TNNI3K: variants seen among roughly 807,000 people sequenced by gnomAD.
TNNI3K encodes the protein serine/threonine-protein kinase TNNI3K.
In TNNI3K, 140 loss-of-function variants were observed where a neutral mutation model predicts 114.5. The ratio of observed to expected loss-of-function variants is 1.22; its 90% CI spans 1.07 to 1.41. TNNI3K has a LOEUF of 1.41. TNNI3K is among the 40% of genes most tolerant of loss of function. TNNI3K has a pLI of 0.00. For missense variants in TNNI3K, 1,125 were observed against 1,007.6 expected (o/e 1.12, Z -1.58); for synonymous variants, 347 against 347.5 (o/e 1.00, Z 0.02).
chr1:74,529,582 G>A (rs948617190), intron 23 of TNNI3K, among the ~76,000 whole-genome samples: 1 of 152,212 alleles, frequency 6.6e-6, no homozygotes, highest in African/African-American at 2.4e-5. Context: ...GCGTCTGAGA[G>A]TAGATGGAAG....
chr1:74,470,643 A>G (rs183576719), intron 21 of TNNI3K: 1 of 400,630 alleles, frequency 2.5e-6, no homozygotes, highest in East Asian at 3.6e-5. Flanking sequence ...TTTTTTCTAC[A>G]TCATTTTCTT....
intron 21 of TNNI3K, among the ~76,000 whole-genome samples, chr1:74,483,853 ATTACAACTAAATTC>A (rs1557597820): frequency 1.3e-5 from 2 of 152,296 alleles, no homozygotes; most frequent in South Asian, 4.1e-4. Context: ...GTCTTACATG[ATTACAACTAAATTC>A]TTACTCCTTA....
At chr1:74,540,122 G>A in intron 23 of TNNI3K, 112 bp from the exon 24 acceptor site, 1 of 1,124,666 alleles carries the variant, frequency 8.9e-7, no homozygotes, top group South Asian at 1.7e-5. Flanking sequence ...AAGCTGCTTT[G>A]TATCACTTTG....
chr1:74,369,130 T>C lies in TNNI3K; in HGVS notation c.1414+16T>C. 1 of 1,599,086 alleles carries C rather than the reference T, an allele frequency of 6.3e-7. No homozygotes were observed. The highest frequency in any genetic ancestry group is 8.5e-7 in the Non-Finnish European group (1 of 1,174,544). ...ATTGGCTCAGGTAACCTAAAATAAA[T>C]AAATAAATAAAGGTCCGGTTTAGTT... On this transcript the variant is annotated intron_variant, in intron 14 of 24. Transcript: ENST00000326637.
chr1:74,327,460 A>G (rs886088999), intron 5 of TNNI3K, among the ~76,000 whole-genome samples: 4 of 147,302 alleles, frequency 2.7e-5, no homozygotes, highest in Middle Eastern at 3.5e-3. Context: ...TGAGATATAT[A>G]TATATCTCAG....
At chr1:74,433,866 C>T (rs1666004845) in intron 17 of TNNI3K, among the ~76,000 whole-genome samples, 1 of 151,992 alleles carries the variant, frequency 6.6e-6, no homozygotes, top group Non-Finnish European at 1.5e-5. Flanking sequence ...ATGGCTCTTT[C>T]TCACTGTGTA....
At chr1:74,520,367 C>T (rs1044305852) in intron 23 of TNNI3K, among the ~76,000 whole-genome samples, 7 of 152,084 alleles carry the variant, frequency 4.6e-5, no homozygotes, top group South Asian at 2.1e-4. Flanking sequence ...GACTACTTCG[C>T]GTGAGTTCCA....
At chr1:74,473,172 T>C (rs1668022493) in intron 21 of TNNI3K, among the ~76,000 whole-genome samples, 1 of 152,152 alleles carries the variant, frequency 6.6e-6, no homozygotes, top group Non-Finnish European at 1.5e-5. Context: ...TAATGTACGT[T>C]CATCATCTCT....
chr1:74,358,189 G>A (rs1004185226), intron 11 of TNNI3K, among the ~76,000 whole-genome samples: 2 of 152,076 alleles, frequency 1.3e-5, no homozygotes, highest in East Asian at 1.9e-4. Context: ...CTTCTTATTC[G>A]TTTCAGTACT....
intron 5 of TNNI3K, among the ~76,000 whole-genome samples, chr1:74,304,597 C>G (rs563280584): frequency 6.6e-6 from 1 of 152,102 alleles, no homozygotes; most frequent in African/African-American, 2.4e-5. Flanking sequence ...TTTGTGCCAC[C>G]ATGCCTGTCT....
intron 23 of TNNI3K, among the ~76,000 whole-genome samples, chr1:74,512,878 C>T (rs561893171): frequency 2.6e-5 from 4 of 152,348 alleles, no homozygotes; most frequent in Admixed American, 2.6e-4. Flanking sequence ...TCTCTGTTAA[C>T]AAGCCTTATG....
intron 11 of TNNI3K, among the ~76,000 whole-genome samples, chr1:74,361,834 G>A (rs1661985219): frequency 6.6e-6 from 1 of 151,982 alleles, no homozygotes; most frequent in South Asian, 2.1e-4. Context: ...AGAAAGGAAA[G>A]CAGAATGAGA....
chr1:74,278,740 A>G (rs1467301877), intron 5 of TNNI3K, among the ~76,000 whole-genome samples: 1 of 152,188 alleles, frequency 6.6e-6, no homozygotes, highest in Non-Finnish European at 1.5e-5. Flanking sequence ...AGGAAACTTA[A>G]TACCCATTAA....
chr1:74,356,992 G>A (rs1661694130), intron 11 of TNNI3K, among the ~76,000 whole-genome samples: 1 of 152,144 alleles, frequency 6.6e-6, no homozygotes, highest in Non-Finnish European at 1.5e-5. Flanking sequence ...TGGAATTGTT[G>A]CTATTTTTCT....
intron 9 of TNNI3K, among the ~76,000 whole-genome samples, chr1:74,348,116 T>A (rs986830454): frequency 1.3e-5 from 2 of 152,150 alleles, no homozygotes; most frequent in Admixed American, 6.5e-5. Context: ...TCTTCTAGGG[T>A]TTTTATGGTT....
chr1:74,411,836 T>C (rs1664895945), intron 17 of TNNI3K, among the ~76,000 whole-genome samples: 1 of 152,118 alleles, frequency 6.6e-6, no homozygotes, highest in Non-Finnish European at 1.5e-5. Context: ...ATTTGAATCT[T>C]CTCTTGAAGG....
chr1:74,367,270 G>A lies in TNNI3K; in HGVS notation c.1192G>A (p.Val398Ile). 9 of 1,611,996 alleles carry A rather than the reference G, an allele frequency of 5.6e-6. No homozygotes were observed. The highest frequency in any genetic ancestry group is 6.8e-6 in the Non-Finnish European group (8 of 1,178,616). The change falls in exon 12 of 25, where the codon GTC becomes ATC. Residue 398 changes from valine to isoleucine, a missense_variant. Coordinates refer to ENST00000326637, the MANE Select transcript of TNNI3K (RefSeq NM_015978.3). ...TTTTCATAAAGGGCATGATGCCATT[G>A]TCACACTCCTGAAGCATTATAAGAG... ...WAYEKGHDAI[V>I]TLLKHYKRPQ...
At chr1:74,457,573 T>A (rs536159834) in intron 20 of TNNI3K, among the ~76,000 whole-genome samples, 1 of 152,202 alleles carries the variant, frequency 6.6e-6, no homozygotes, top group Non-Finnish European at 1.5e-5. Flanking sequence ...GAATCAATTA[T>A]ACTTTTCAGA....
intron 4 of TNNI3K, among the ~76,000 whole-genome samples, chr1:74,260,652 C>A (rs1202364121): frequency 6.6e-6 from 1 of 151,946 alleles, no homozygotes; most frequent in Admixed American, 6.6e-5. Context: ...CTAACTTTGA[C>A]AAACATTTAT....
Sources: allele counts gnomAD v4.1 joint callset (sites outside exome capture counted in the v4.1 genomes callset), GRCh38; gene constraint gnomAD v4.1.1; transcripts MANE v1.5; gene names NCBI Gene and HGNC (gene_info 2026-07-23, HGNC 2026-07-21).